ANKRD6: variants seen among roughly 807,000 people sequenced by gnomAD.
ANKRD6 encodes the protein ankyrin repeat domain-containing protein 6.
Under a neutral mutation model 82.3 loss-of-function variants are expected in ANKRD6, and 56 were observed. The ratio of observed to expected loss-of-function variants is 0.68; its 90% CI spans 0.55 to 0.85. ANKRD6 has a LOEUF of 0.85. Among genes scored for constraint, ANKRD6 ranks in the 40% least tolerant of loss-of-function variants. The pLI is 0.00. For missense variants in ANKRD6, 852 were observed against 907.6 expected (o/e 0.94, Z 0.79); for synonymous variants, 347 against 352.1 (o/e 0.99, Z 0.16).
chr6:89,628,273 A>G (rs1806368515), intron 14 of ANKRD6: 1 of 158,244 alleles, frequency 6.3e-6, no homozygotes, highest in South Asian at 1.9e-4. Context: ...GTAATTTGTA[A>G]AGAAGAGAGT....
intron 2 of ANKRD6, among the ~76,000 whole-genome samples, chr6:89,578,574 G>A (rs1169266518): frequency 7.2e-5 from 11 of 152,268 alleles, no homozygotes; most frequent in Non-Finnish European, 4.4e-5. Context: ...GGGATCACAG[G>A]CATGAGCCAC....
At chr6:89,506,504 G>C (rs1779881394) in intron 1 of ANKRD6, among the ~76,000 whole-genome samples, 1 of 151,966 alleles carries the variant, frequency 6.6e-6, no homozygotes, top group Admixed American at 6.6e-5. Flanking sequence ...TAGTAGAGAC[G>C]GGGTTTCACC....
At chr6:89,549,422 C>T (rs1482081504) in intron 1 of ANKRD6, among the ~76,000 whole-genome samples, 2 of 146,534 alleles carry the variant, frequency 1.4e-5, no homozygotes, top group Non-Finnish European at 3.0e-5. Flanking sequence ...CCCTTCTGTC[C>T]GTAGCTATGT....
chr6:89,468,799 A>G (rs182821158), intron 1 of ANKRD6, among the ~76,000 whole-genome samples: 4 of 152,176 alleles, frequency 2.6e-5, no homozygotes, highest in Non-Finnish European at 5.9e-5. Flanking sequence ...ATGCTTTCCT[A>G]AGGCATATCA....
chr6:89,527,601 C>CAAAAAAA (rs35855223), intron 1 of ANKRD6, among the ~76,000 whole-genome samples: 229 of 43,518 alleles, frequency 5.3e-3, no homozygotes, highest in East Asian at 0.016. Flanking sequence ...GACTCCGTCT[C>CAAAAAAA]AAAAAAAAAA....
chr6:89,466,448 G>A (rs989084732), intron 1 of ANKRD6, among the ~76,000 whole-genome samples: 3 of 152,196 alleles, frequency 2.0e-5, no homozygotes, highest in Admixed American at 6.5e-5. Flanking sequence ...ATGAGAATTT[G>A]TTGTCTTGCC....
rs762140838 is a variant in ANKRD6 at position 89,629,165 on chromosome 6, G to GCA, written c.1539_1540insCA (p.Glu514GlnfsTer30). ...GGTGCATGTTAAAGATTCAGAATCT[G>GCA]GAGCAGAAGCTTTCTGGAGATTCTA... On this transcript the variant is annotated frameshift_variant, in exon 15 of 16. Coordinates refer to ENST00000339746, the MANE Select transcript of ANKRD6 (RefSeq NM_001242809.2). LOFTEE classifies it high-confidence loss of function. 1.2e-6 allele frequency: 2 copies of GCA among 1,613,708 alleles called. No homozygotes were observed. Among genetic ancestry groups the GCA allele is most frequent in the East Asian group, 4.5e-5 (2 of 44,860 alleles).
chr6:89,444,179 A>G (rs10944446), intron 1 of ANKRD6, among the ~76,000 whole-genome samples: 44,897 of 152,108 alleles, frequency 0.3, 6,849 homozygotes, highest in Non-Finnish European at 0.31. Flanking sequence ...TTTGTTTATA[A>G]TTTTCTGAAT....
At chr6:89,629,001 C>T in intron 14 of ANKRD6, 111 bp from the exon 15 acceptor site, 2 of 1,246,934 alleles carry the variant, frequency 1.6e-6, no homozygotes, top group Non-Finnish European at 2.2e-6. Context: ...ATGGTATCCT[C>T]AACTGTTATA....
intron 1 of ANKRD6, among the ~76,000 whole-genome samples, chr6:89,441,242 C>A (rs76646582): frequency 0.057 from 8,726 of 152,204 alleles, 292 homozygotes; most frequent in South Asian, 0.14. Flanking sequence ...CCTCTGCCTC[C>A]CGGGTTCAGG....
chr6:89,578,399 G>C (rs538548531), intron 2 of ANKRD6, among the ~76,000 whole-genome samples: 1 of 145,504 alleles, frequency 6.9e-6, no homozygotes, highest in East Asian at 2.1e-4. Context: ...GGGTTGAAGC[G>C]ATTCTCCTGC....
intron 12 of ANKRD6, 139 bp downstream of exon 12, chr6:89,624,196 T>TC (rs1288116297): frequency 1.7e-5 from 17 of 996,822 alleles, no homozygotes; most frequent in Non-Finnish European, 2.4e-5. Flanking sequence ...CCAGATGGCC[T>TC]CCCCACCTGC....
At chr6:89,502,742 T>C (rs1779404451) in intron 1 of ANKRD6, among the ~76,000 whole-genome samples, 1 of 152,206 alleles carries the variant, frequency 6.6e-6, no homozygotes, top group South Asian at 2.1e-4. Context: ...ATTATGATAA[T>C]AGCTATGGAA....
chr6:89,439,580 T>C (rs1250011586), intron 1 of ANKRD6, among the ~76,000 whole-genome samples: 1 of 152,192 alleles, frequency 6.6e-6, no homozygotes, highest in Non-Finnish European at 1.5e-5. Flanking sequence ...ACTTCAGTAA[T>C]GTGCACTAAT....
At position 89,576,234 on chromosome 6, in the gene ANKRD6, T is replaced by G. The variant is rs1169318699; in HGVS notation, c.120+9138T>G. On this transcript the variant is annotated intron_variant, in intron 2 of 15. Transcript: ENST00000339746. Reference sequence around the variant, plus strand: ...GCCTGGCTAATTTTTGTATTTTTAGTAGAGATGGGGTTTCACCATATTAGC... The same window carrying G: ...GCCTGGCTAATTTTTGTATTTTTAGGAGAGATGGGGTTTCACCATATTAGC... 2.0e-5 allele frequency among the ~76,000 whole-genome samples: 3 copies of G among 151,978 alleles called. No homozygotes were observed. The East Asian group carries it at 5.8e-4, about 29-fold the overall frequency.
At position 89,630,605 on chromosome 6, in the gene ANKRD6, A is replaced by T; in HGVS notation, c.1785A>T (p.Thr595=). 1 of 1,613,958 alleles carries T rather than the reference A, an allele frequency of 6.2e-7. No individual in the cohort carries two copies. ...GACTGAGAAACGTCAAGGTCCAGACAGCCTTGCTACCCATGAATGAGGCAG... is the reference window on the plus strand; with the variant it reads ...GACTGAGAAACGTCAAGGTCCAGACTGCCTTGCTACCCATGAATGAGGCAG... ...GSRLRNVKVQ[T]ALLPMNEAAR... The change falls in exon 16 of 16, where the codon ACA becomes ACT. Residue 595 remains threonine (T), a synonymous_variant. Coordinates refer to ENST00000339746, the MANE Select transcript of ANKRD6 (RefSeq NM_001242809.2).
At chr6:89,562,707 C>T (rs528380430) in intron 1 of ANKRD6, 1 of 152,270 alleles carries the variant, frequency 6.6e-6, no homozygotes, top group East Asian at 1.9e-4. Flanking sequence ...TCTTAATAAG[C>T]TTTTAGATGT....
rs543042134 is a variant in ANKRD6, at chr6:89,521,585, A to G, written c.-143-45249A>G. ...AAAAGAGAACTGTGGCCTCAATGAG[A>G]AGAAGCCACAGAAGATGCAACAAGT... is the stretch of plus-strand genomic sequence containing the variant. On this transcript the variant is annotated intron_variant, in intron 1 of 15. Coordinates refer to ENST00000339746, the MANE Select transcript of ANKRD6 (RefSeq NM_001242809.2). 3.3e-5 allele frequency among the ~76,000 whole-genome samples: 5 copies of G among 152,356 alleles called. No individual in the cohort carries two copies. The East Asian group carries it at 9.6e-4, about 29-fold the overall frequency.
chr6:89,616,218 C>T (rs1801539520), intron 7 of ANKRD6, among the ~76,000 whole-genome samples: 1 of 152,240 alleles, frequency 6.6e-6, no homozygotes, highest in Non-Finnish European at 1.5e-5. Context: ...AATGACTAGC[C>T]TGCCTGCCCC....
Sources: gnomAD v4.1 joint callset for allele counts (sites outside exome capture counted in the v4.1 genomes callset) on GRCh38, gnomAD v4.1.1 for gene constraint, MANE v1.5 for transcripts, NCBI Gene and HGNC (gene_info 2026-07-23, HGNC 2026-07-21) for gene names.